Variants in CEP170 observed in about 807,000 individuals in gnomAD.
CEP170 encodes centrosomal protein of 170 kDa.
A neutral mutation model predicts 151.9 loss-of-function variants in CEP170; 21 were observed. The ratio of observed to expected loss-of-function variants is 0.14; its 90% CI spans 0.10 to 0.20. The LOEUF is 0.20. CEP170 is among the 10% of genes least tolerant of loss of function. The pLI, the probability that CEP170 is intolerant of heterozygous loss-of-function variation, is 1.00. For synonymous variants in CEP170, 356 were observed against 648.8 expected (o/e 0.55, Z 6.86); for missense variants, 964 against 1,892.9 (o/e 0.51, Z 9.11).
chr1:243,213,116 T>G (rs1347744475), intron 3 of CEP170, among the ~76,000 whole-genome samples: 1 of 152,174 alleles, frequency 6.6e-6, no homozygotes, highest in Non-Finnish European at 1.5e-5. Flanking sequence ...TATTCTTTTT[T>G]TTTTCTTTTT....
In CEP170 at chr1:243,185,178, T is replaced by C. The variant is rs1321885905; in HGVS notation, c.1566+601A>G. Reference sequence around the variant, plus strand: ...TAACCAATAATATCAAAGAATACACTTGAAATGTAGGTAACTATCACGACT... The same window carrying C: ...TAACCAATAATATCAAAGAATACACCTGAAATGTAGGTAACTATCACGACT... On this transcript the variant is annotated intron_variant, in intron 10 of 19. Coordinates refer to ENST00000366542, the MANE Select transcript of CEP170 (RefSeq NM_014812.3). The surrounding 1 kb of genome is among the most constrained non-coding windows in gnomAD (Gnocchi z 4.9). 6.6e-6 allele frequency among the ~76,000 whole-genome samples: 1 copy of C among 152,130 alleles called. No homozygotes were observed. Among genetic ancestry groups the C allele is most frequent in the Non-Finnish European group, 1.5e-5 (1 of 68,012 alleles).
intron 2 of CEP170, among the ~76,000 whole-genome samples, chr1:243,222,702 C>G (rs935552082): frequency 6.6e-5 from 10 of 152,186 alleles, no homozygotes; most frequent in African/African-American, 2.4e-4. Context: ...AATCTGAAGT[C>G]ATCGCTCCCA....
At chr1:243,253,066 T>A (rs539659329) in intron 1 of CEP170, 26 of 152,200 alleles carry the variant, frequency 1.7e-4, no homozygotes, top group Non-Finnish European at 2.9e-4. Context: ...TATTATAAAA[T>A]ACTATTGATT....
At chr1:243,175,181 A>G in intron 10 of CEP170, 1 of 152,224 alleles carries the variant, frequency 6.6e-6, no homozygotes, top group Non-Finnish European at 1.5e-5. Context: ...CACTTCTGAC[A>G]CCACTTTGAA....
chr1:243,138,863 T>C (rs1353808122), intron 16 of CEP170, among the ~76,000 whole-genome samples: 1 of 152,154 alleles, frequency 6.6e-6, no homozygotes, highest in Non-Finnish European at 1.5e-5. Context: ...ATGTCTTTAT[T>C]TTCAACTTTA....
At chr1:243,226,058 G>GATATATATATATCTAGAT (rs10632118) in intron 1 of CEP170, among the ~76,000 whole-genome samples, 3 of 109,892 alleles carry the variant, frequency 2.7e-5, no homozygotes, top group Non-Finnish European at 4.1e-5. Flanking sequence ...TATATATCTA[G>GATATATATATATCTAGAT]ATATATATAT....
At chr1:243,187,352 T>G (rs2060000556) in intron 8 of CEP170, among the ~76,000 whole-genome samples, 1 of 152,230 alleles carries the variant, frequency 6.6e-6, no homozygotes, top group Admixed American at 6.5e-5. Context: ...TGATTTAAAA[T>G]TCTCATTACC....
At chr1:243,248,564 A>G (rs377318115) in intron 1 of CEP170, among the ~76,000 whole-genome samples, 2 of 152,298 alleles carry the variant, frequency 1.3e-5, no homozygotes, top group African/African-American at 4.8e-5. Flanking sequence ...TTTAACAGAC[A>G]CTTCAAACTT....
At chr1:243,211,302 A>C (rs2061783813) in intron 4 of CEP170, 1 of 152,224 alleles carries the variant, frequency 6.6e-6, no homozygotes, top group East Asian at 1.9e-4. Flanking sequence ...GTCCTTGTTC[A>C]ATTATTAGAT....
chr1:243,160,865 TC>T lies in CEP170; in HGVS notation c.3676+3418del, dbSNP rs574596993. 1.8e-4 allele frequency among the ~76,000 whole-genome samples: 28 copies of T among 152,232 alleles called. 1 individual carries two copies. In the South Asian group the frequency reaches 5.4e-3, roughly 29 times the overall value. On this transcript the variant is annotated intron_variant, in intron 13 of 19. Coordinates refer to ENST00000366542, the MANE Select transcript of CEP170 (RefSeq NM_014812.3). ...AATTAAAAAGGGACTGCAAACAGTC[TC>T]AAAAAATTCTAAGGATATTAACATA...
chr1:243,244,327 C>G (rs1323746662), intron 1 of CEP170, among the ~76,000 whole-genome samples: 5 of 145,112 alleles, frequency 3.4e-5, no homozygotes, highest in Non-Finnish European at 6.0e-5. Flanking sequence ...CTAGAATAAC[C>G]CCCCTGCCCA....
intron 8 of CEP170, 112 bp from the exon 9 acceptor site, chr1:243,186,534 A>G: frequency 1.7e-6 from 2 of 1,155,538 alleles, no homozygotes; most frequent in African/African-American, 3.1e-5. Context: ...TTCAATCCAA[A>G]GTCATATGTT....
At chr1:243,182,861 T>C (rs1426888632) in intron 10 of CEP170, among the ~76,000 whole-genome samples, 3 of 152,226 alleles carry the variant, frequency 2.0e-5, no homozygotes, top group Non-Finnish European at 4.4e-5. Context: ...AGTTTACATT[T>C]GTTTGTGTCT....
intron 16 of CEP170, among the ~76,000 whole-genome samples, chr1:243,139,396 T>C (rs901868159): frequency 1.3e-5 from 2 of 152,148 alleles, no homozygotes; most frequent in Non-Finnish European, 2.9e-5. Flanking sequence ...TCTTTGCAGA[T>C]TTTTCTATTG....
At chr1:243,255,665 G>A (rs951582815), upstream of CEP170, among the ~76,000 whole-genome samples, 18 of 152,244 alleles carry the variant, frequency 1.2e-4, no homozygotes, top group African/African-American at 4.1e-4. Context: ...AGGGTTCAGA[G>A]TTTACTATCT....
At chr1:243,155,048 T>A (rs1033578783) in intron 14 of CEP170, among the ~76,000 whole-genome samples, 1 of 152,176 alleles carries the variant, frequency 6.6e-6, no homozygotes, top group African/African-American at 2.4e-5. Flanking sequence ...ACAAGCATTT[T>A]GTTGGCCCAT....
At chr1:243,222,012 AT>A (rs2062861974) in intron 2 of CEP170, among the ~76,000 whole-genome samples, 199 bp from the exon 3 acceptor site, 1 of 152,236 alleles carries the variant, frequency 6.6e-6, no homozygotes, top group Non-Finnish European at 1.5e-5. Flanking sequence ...AAAACATAAA[AT>A]TTTAAAGATA....
At chr1:243,202,960 C>G (rs1330667910) in intron 4 of CEP170, among the ~76,000 whole-genome samples, 1 of 152,104 alleles carries the variant, frequency 6.6e-6, no homozygotes, top group Non-Finnish European at 1.5e-5. Context: ...CCTCTTTAAA[C>G]CTAGACACTC....
In CEP170 at chr1:243,209,027, A is replaced by G. The variant is rs761708132; in HGVS notation, c.274+2859T>C. On this transcript the variant is annotated intron_variant, in intron 4 of 19. Coordinates refer to ENST00000366542, the MANE Select transcript of CEP170 (RefSeq NM_014812.3). ...TTACTGCAGCATTTTAGTACTCCTT[A>G]TGAGTTTACGGTCATTTTAAAAGCT... 4.6e-5 allele frequency among the ~76,000 whole-genome samples: 7 copies of G among 152,222 alleles called. No individual in the cohort carries two copies. The South Asian group carries it at 1.2e-3, about 27-fold the overall frequency.
Sources: allele counts gnomAD v4.1 joint callset (sites outside exome capture counted in the v4.1 genomes callset), GRCh38; gene constraint gnomAD v4.1.1; non-coding constraint Gnocchi (gnomAD v3.1); transcripts MANE v1.5; gene names NCBI Gene and HGNC (gene_info 2026-07-23, HGNC 2026-07-21).